The following FGD4 variants were observed in gnomAD, a reference collection of about 807,000 sequenced individuals.
FGD4 encodes FYVE, RhoGEF and PH domain-containing protein 4.
FGD4 carries 42 observed loss-of-function variants against 102.0 expected under a neutral mutation model. The observed-to-expected ratio is 0.41, with a 90% CI of 0.32 to 0.53. The LOEUF (loss-of-function observed/expected upper bound fraction) is 0.53, where lower values mean the gene tolerates loss of function less well. FGD4 is among the 20% of genes least tolerant of loss of function. The probability of loss-of-function intolerance (pLI) is 0.21; values close to 1 mark genes in which losing one functional copy is unlikely to be tolerated. For missense variants in FGD4, 902 were observed against 1,078.2 expected, an observed-to-expected ratio of 0.84 and a Z score of 2.29; for synonymous variants, 380 against 375.7, an observed-to-expected ratio of 1.01 and a Z score of -0.13.
chr12:32,505,362 G>A (rs1241400911), intron 1 of FGD4, among the ~76,000 whole-genome samples: 1 of 152,198 alleles, frequency 6.6e-6, no homozygotes, highest in African/African-American at 2.4e-5. Flanking sequence ...GCATGCGTGT[G>A]AACGATGTGA....
chr12:32,633,453 C>T, intron 14 of FGD4, 96 bp from the exon 15 acceptor site: 1 of 1,349,776 alleles, frequency 7.4e-7, no homozygotes, highest in Non-Finnish European at 1.0e-6. Context: ...GCCTTCTATG[C>T]TTAACATTTT....
intron 1 of FGD4, among the ~76,000 whole-genome samples, chr12:32,532,535 C>T (rs1242671234): frequency 6.6e-6 from 1 of 151,228 alleles, no homozygotes; most frequent in East Asian, 1.9e-4. Flanking sequence ...ATGGAAAATG[C>T]TTAACATAGC....
At chr12:32,524,168 G>A (rs945715684) in intron 1 of FGD4, among the ~76,000 whole-genome samples, 2 of 151,498 alleles carry the variant, frequency 1.3e-5, no homozygotes, top group East Asian at 2.0e-4. Context: ...AGGCCGAGGC[G>A]GGCGAATCAC....
At chr12:32,476,520 C>T (rs990870919) in intron 1 of FGD4, among the ~76,000 whole-genome samples, 1 of 152,150 alleles carries the variant, frequency 6.6e-6, no homozygotes, top group African/African-American at 2.4e-5. Context: ...CTCCTCCACG[C>T]AGCCCTTTCT....
intron 4 of FGD4, among the ~76,000 whole-genome samples, chr12:32,591,180 A>C (rs960381949): frequency 6.6e-6 from 1 of 152,188 alleles, no homozygotes; most frequent in African/African-American, 2.4e-5. Flanking sequence ...GAAGAATATA[A>C]TTATCTAACT....
At chr12:32,436,575 C>T (rs1403104594) in intron 1 of FGD4, among the ~76,000 whole-genome samples, 1 of 152,158 alleles carries the variant, frequency 6.6e-6, no homozygotes, top group African/African-American at 2.4e-5. Flanking sequence ...TGGTGTTACG[C>T]CTGGTTGTGC....
chr12:32,646,006 A>G lies in FGD4; in HGVS notation c.*5473A>G, dbSNP rs1251846926. 1 of 152,180 alleles carries G rather than the reference A, an allele frequency of 6.6e-6. No individual in the cohort carries two copies. Among genetic ancestry groups the G allele is most frequent in the Non-Finnish European group, 1.5e-5 (1 of 68,036 alleles). 9.4% of individuals were successfully genotyped at this position (152,180 alleles called of 1,614,324 possible). A position where few individuals can be genotyped will look rare whatever the true frequency, so the allele number is the denominator to read the frequency against. On this transcript the variant is annotated 3_prime_UTR_variant, in exon 17 of 17. Coordinates refer to ENST00000534526, the MANE Select transcript of FGD4 (RefSeq NM_001370298.3). Reference sequence around the variant, plus strand: ...AATTAAGCACTTTAATTCCTATTAAATATTAAACATTTGTATCTTGTAAAT... The same window carrying G: ...AATTAAGCACTTTAATTCCTATTAAGTATTAAACATTTGTATCTTGTAAAT...
chr12:32,603,848 A>G (rs961810732), intron 7 of FGD4, among the ~76,000 whole-genome samples: 4 of 151,788 alleles, frequency 2.6e-5, no homozygotes, highest in African/African-American at 9.7e-5. Context: ...GACTACAGGC[A>G]TGCGCCACCA....
chr12:32,497,430 T>C (rs1012358411), intron 1 of FGD4, among the ~76,000 whole-genome samples: 8 of 152,176 alleles, frequency 5.3e-5, no homozygotes, highest in Non-Finnish European at 8.8e-5. Flanking sequence ...TGCAAAATTA[T>C]TGGTAATATA....
chr12:32,452,350 A>C (rs1222773049), intron 1 of FGD4, among the ~76,000 whole-genome samples: 1 of 152,246 alleles, frequency 6.6e-6, no homozygotes, highest in Non-Finnish European at 1.5e-5. Flanking sequence ...TCTAGTGGTC[A>C]GTGTTGCAGC....
chr12:32,627,094 C>T (rs1031841270), intron 14 of FGD4, among the ~76,000 whole-genome samples: 2 of 151,826 alleles, frequency 1.3e-5, no homozygotes, highest in African/African-American at 2.4e-5. Context: ...GTGATCCGCC[C>T]GCCTCGGCCT....
chr12:32,461,474 CT>C (rs981216212), intron 1 of FGD4, among the ~76,000 whole-genome samples: 1 of 152,188 alleles, frequency 6.6e-6, no homozygotes. Context: ...ATTTATTCAT[CT>C]TTTTTTCTAC....
chr12:32,604,965 G>A lies in FGD4; in HGVS notation c.1404+2648G>A, dbSNP rs180998214. Reference sequence around the variant, plus strand: ...TTTTTTTTTTTTTTTTGGAGTTAGAGTCTTGCTCTGTCACCCAGGCTGGAG... The same window carrying A: ...TTTTTTTTTTTTTTTTGGAGTTAGAATCTTGCTCTGTCACCCAGGCTGGAG... On this transcript the variant is annotated intron_variant, in intron 7 of 16. Coordinates refer to ENST00000534526, the MANE Select transcript of FGD4 (RefSeq NM_001370298.3). 1.1e-4 allele frequency among the ~76,000 whole-genome samples: 11 copies of A among 97,368 alleles called. No homozygotes were observed. In the Admixed American group the frequency reaches 1.2e-3, roughly 10 times the overall value. 63.9% of individuals were successfully genotyped at this position (97,368 alleles called of 152,430 possible). A position where few individuals can be genotyped will look rare whatever the true frequency, so the allele number is the denominator to read the frequency against.
At chr12:32,632,634 G>C (rs1950553080) in intron 14 of FGD4, among the ~76,000 whole-genome samples, 1 of 151,942 alleles carries the variant, frequency 6.6e-6, no homozygotes, top group South Asian at 2.1e-4. Flanking sequence ...AGGAAAGTCT[G>C]AAAGATTTTA....
At chr12:32,420,871 T>C (rs1484961068) in intron 1 of FGD4, among the ~76,000 whole-genome samples, 1 of 152,160 alleles carries the variant, frequency 6.6e-6, no homozygotes, top group Non-Finnish European at 1.5e-5. Flanking sequence ...ACATTTTGGT[T>C]CAATGTAATA....
chr12:32,642,230 T>G lies in FGD4; in HGVS notation c.*1697T>G, dbSNP rs1275261721. The G allele has an allele frequency of 6.6e-6, 1 of 152,182 alleles. No individual in the cohort carries two copies. The highest frequency in any genetic ancestry group is 1.5e-5 in the Non-Finnish European group (1 of 67,988). The allele number at this position is 152,182 out of a possible 1,614,324, so 9.4% of individuals were successfully genotyped here. On this transcript the variant is annotated 3_prime_UTR_variant, in exon 17 of 17. Coordinates refer to ENST00000534526, the MANE Select transcript of FGD4 (RefSeq NM_001370298.3). ...GCCAAAAAGAGATAAAAGTAGCTTCTTAGGCCCTATTAAATCAGGGAAAGA... is the reference window on the plus strand; with the variant it reads ...GCCAAAAAGAGATAAAAGTAGCTTCGTAGGCCCTATTAAATCAGGGAAAGA...
At chr12:32,581,836 T>C (rs1449285708) in intron 3 of FGD4, 124 bp from the exon 4 acceptor site, 2 of 1,030,608 alleles carry the variant, frequency 1.9e-6, no homozygotes, top group Non-Finnish European at 2.8e-6. Flanking sequence ...TCCATGTTTC[T>C]GAAACCATCA....
Position 32,644,114 on chromosome 12 carries a change from C to A in FGD4, c.*3581C>A, listed in dbSNP as rs183761135. ...AGATTAAGCACATGATATTTATAAGCTAAAATTAACTCAAAAGTCAAGAAT... is the reference window on the plus strand; with the variant it reads ...AGATTAAGCACATGATATTTATAAGATAAAATTAACTCAAAAGTCAAGAAT... On this transcript the variant is annotated 3_prime_UTR_variant, in exon 17 of 17. Coordinates refer to ENST00000534526, the MANE Select transcript of FGD4 (RefSeq NM_001370298.3). The A allele has an allele frequency of 4.6e-5, 7 of 152,096 alleles. No homozygotes were observed. The highest frequency in any genetic ancestry group is 7.4e-5 in the Non-Finnish European group (5 of 67,984). The allele number at this position is 152,096 out of a possible 1,614,324, so 9.4% of individuals were successfully genotyped here.
intron 1 of FGD4, among the ~76,000 whole-genome samples, chr12:32,533,225 T>C (rs1238530805): frequency 6.6e-6 from 1 of 152,096 alleles, no homozygotes; most frequent in African/African-American, 2.4e-5. Context: ...ATGCACTGAA[T>C]CTGACTTTGA....
Sources: allele counts gnomAD v4.1 joint callset (sites outside exome capture counted in the v4.1 genomes callset), GRCh38; gene constraint gnomAD v4.1.1; transcripts MANE v1.5; gene names NCBI Gene and HGNC (gene_info 2026-07-23, HGNC 2026-07-21).